Variants in RBFOX1 observed in about 807,000 individuals in gnomAD.
RBFOX1 encodes the protein RNA binding protein fox-1 homolog 1.
In RBFOX1, 8 loss-of-function variants were observed where a neutral mutation model predicts 57.7. The observed-to-expected ratio is 0.14, with a 90% CI of 0.08 to 0.25. The LOEUF (loss-of-function observed/expected upper bound fraction) is 0.25, where lower values mean the gene tolerates loss of function less well. Ranked by LOEUF, RBFOX1 falls within the 10% of genes least tolerant of loss-of-function variation. The pLI is 1.00. For synonymous variants in RBFOX1, 326 were observed against 222.4 expected, an observed-to-expected ratio of 1.47 and a Z score of -4.15; for missense variants, 611 against 548.5, an observed-to-expected ratio of 1.11 and a Z score of -1.14.
At chr16:7,565,337 C>T (rs961636129) in intron 5 of RBFOX1, among the ~76,000 whole-genome samples, 5 of 152,098 alleles carry the variant, frequency 3.3e-5, no homozygotes, top group African/African-American at 1.2e-4. Context: ...TTGCTTAGAA[C>T]ATATATATTT....
At chr16:5,981,578 C>T (rs926445625) in intron 4 of RBFOX1, among the ~76,000 whole-genome samples, 1 of 152,146 alleles carries the variant, frequency 6.6e-6, no homozygotes, top group East Asian at 1.9e-4. Context: ...AGGTGATTCT[C>T]CTGCTTCAGC....
intron 11 of RBFOX1, among the ~76,000 whole-genome samples, chr16:7,648,357 T>A (rs889236947): frequency 3.9e-5 from 6 of 152,102 alleles, no homozygotes; most frequent in Non-Finnish European, 2.9e-5. Context: ...CCCAAGTAGC[T>A]GGGACTACAG....
chr16:7,129,019 C>T (rs2069437999), intron 4 of RBFOX1, among the ~76,000 whole-genome samples: 1 of 151,868 alleles, frequency 6.6e-6, no homozygotes, highest in Non-Finnish European at 1.5e-5. Context: ...TGAGGTTTCA[C>T]CATGTTGGCC....
chr16:5,607,469 C>T (rs921818272), intron 3 of RBFOX1, among the ~76,000 whole-genome samples: 1 of 151,990 alleles, frequency 6.6e-6, no homozygotes, highest in African/African-American at 2.4e-5. Flanking sequence ...TAGTGATTTC[C>T]CCTAATCTCT....
chr16:5,756,799 C>G (rs1196365364), intron 3 of RBFOX1, among the ~76,000 whole-genome samples: 1 of 152,168 alleles, frequency 6.6e-6, no homozygotes, highest in Non-Finnish European at 1.5e-5. Flanking sequence ...AATTGGCCAG[C>G]TTCGTGGGAA....
intron 1 of RBFOX1, among the ~76,000 whole-genome samples, chr16:6,227,134 A>G (rs1348739502): frequency 6.6e-6 from 1 of 151,902 alleles, no homozygotes; most frequent in African/African-American, 2.4e-5. Flanking sequence ...AAGAAAAAAA[A>G]AAGTAATATT....
At chr16:6,869,285 A>C (rs1470451266) in intron 3 of RBFOX1, among the ~76,000 whole-genome samples, 1 of 152,166 alleles carries the variant, frequency 6.6e-6, no homozygotes, top group East Asian at 1.9e-4. Context: ...GAACCTTATC[A>C]AGTAAATACT....
intron 1 of RBFOX1, among the ~76,000 whole-genome samples, chr16:6,125,698 A>G (rs998700108): frequency 6.6e-6 from 1 of 152,090 alleles, no homozygotes; most frequent in Non-Finnish European, 1.5e-5. Flanking sequence ...TCTAACCTGG[A>G]TTGATGGTTC....
intron 1 of RBFOX1, among the ~76,000 whole-genome samples, chr16:6,111,929 T>G (rs552785888): frequency 6.6e-6 from 1 of 152,310 alleles, no homozygotes; most frequent in South Asian, 2.1e-4. Context: ...AGAGGATAAG[T>G]GGTTTTGGAC....
chr16:6,964,284 G>C (rs942873191), intron 3 of RBFOX1, among the ~76,000 whole-genome samples: 2 of 152,186 alleles, frequency 1.3e-5, no homozygotes, highest in Non-Finnish European at 2.9e-5. Context: ...CTCCCAAAGT[G>C]GTGGGATTAT....
chr16:5,540,556 C>T (rs1361707044), intron 2 of RBFOX1, among the ~76,000 whole-genome samples: 1 of 152,198 alleles, frequency 6.6e-6, no homozygotes, highest in Non-Finnish European at 1.5e-5. Flanking sequence ...GGGAAATCCA[C>T]AGTAACGGAT....
intron 2 of RBFOX1, among the ~76,000 whole-genome samples, chr16:6,602,810 G>A (rs1208312538): frequency 6.6e-6 from 1 of 152,124 alleles, no homozygotes. Context: ...TAGAATTCAA[G>A]ATCAGAAAGA....
At chr16:6,352,106 T>C (rs956030511) in intron 2 of RBFOX1, among the ~76,000 whole-genome samples, 2 of 152,180 alleles carry the variant, frequency 1.3e-5, no homozygotes, top group African/African-American at 4.8e-5. Flanking sequence ...ATTGAGAGTT[T>C]GTAGAGGTTT....
intron 1 of RBFOX1, among the ~76,000 whole-genome samples, chr16:5,275,900 G>T (rs751848445): frequency 6.6e-6 from 1 of 152,170 alleles, no homozygotes; most frequent in Non-Finnish European, 1.5e-5. Flanking sequence ...ATAGCCAACT[G>T]ATCTTAGACA....
chr16:7,551,010 C>G (rs1309796746), intron 5 of RBFOX1, among the ~76,000 whole-genome samples: 3 of 147,862 alleles, frequency 2.0e-5, no homozygotes, highest in Non-Finnish European at 3.0e-5. Context: ...GGGAAAATCA[C>G]TTGAACCCAG....
intron 1 of RBFOX1, among the ~76,000 whole-genome samples, chr16:5,429,506 T>C (rs1431268657): frequency 6.6e-6 from 1 of 152,050 alleles, no homozygotes; most frequent in Non-Finnish European, 1.5e-5. Context: ...GCCTGTGGGG[T>C]CCTGGGAGAG....
At position 7,131,467 on chromosome 16, in the gene RBFOX1, T is replaced by C. The variant is rs555441083; in HGVS notation, c.27+79369T>C. Reference sequence around the variant, plus strand: ...ATCTCTTGCTTCTGCTCCGGTAGGTTTCATAATCTCCATTTTATAGTTGAG... The same window carrying C: ...ATCTCTTGCTTCTGCTCCGGTAGGTCTCATAATCTCCATTTTATAGTTGAG... On this transcript the variant is annotated intron_variant, in intron 4 of 15. Transcript: ENST00000550418. 4.0e-5 allele frequency among the ~76,000 whole-genome samples: 6 copies of C among 151,274 alleles called. No individual in the cohort carries two copies. The South Asian group carries it at 1.3e-3, about 32-fold the overall frequency.
At chr16:6,256,283 G>A (rs1237280305) in intron 1 of RBFOX1, among the ~76,000 whole-genome samples, 44 of 130,840 alleles carry the variant, frequency 3.4e-4, no homozygotes, top group Non-Finnish European at 5.9e-4. Context: ...ATATATATAT[G>A]TGTGTATATA....
Position 7,377,084 on chromosome 16 carries a change from A to C in RBFOX1, c.28-141063A>C, listed in dbSNP as rs77287517. On this transcript the variant is annotated intron_variant, in intron 4 of 15. Transcript: ENST00000550418. Reference sequence around the variant, plus strand: ...TGTTTAAAATTAGCTTTCAGTTTCCACTTCTTTTTCATGATATCTTACATG... The same window carrying C: ...TGTTTAAAATTAGCTTTCAGTTTCCCCTTCTTTTTCATGATATCTTACATG... 9.6e-3 allele frequency among the ~76,000 whole-genome samples: 1,461 copies of C among 152,318 alleles called. 15 individuals carry two copies. The highest frequency in any genetic ancestry group is 0.016 in the Non-Finnish European group (1,113 of 68,026).
Sources: allele counts gnomAD v4.1 joint callset (sites outside exome capture counted in the v4.1 genomes callset), GRCh38; gene constraint gnomAD v4.1.1; transcripts MANE v1.5; gene names NCBI Gene and HGNC (gene_info 2026-07-23, HGNC 2026-07-21).